ARFGEF3: variants seen among roughly 807,000 people sequenced by gnomAD.
ARFGEF3 encodes the protein brefeldin A-inhibited guanine nucleotide-exchange protein 3.
A neutral mutation model predicts 221.7 loss-of-function variants in ARFGEF3; 96 were observed. The ratio of observed to expected loss-of-function variants is 0.43; its 90% CI spans 0.37 to 0.51. The LOEUF is 0.51. ARFGEF3 is among the 20% of genes least tolerant of loss of function. The pLI is 0.00. For synonymous variants in ARFGEF3, 1,145 were observed against 1,126.8 expected (o/e 1.02, Z -0.32); for missense variants, 2,410 against 2,789.9 (o/e 0.86, Z 3.07).
chr6:138,335,437 T>C (rs1415268676), intron 33 of ARFGEF3, among the ~76,000 whole-genome samples: 1 of 151,944 alleles, frequency 6.6e-6, no homozygotes, highest in Non-Finnish European at 1.5e-5. Flanking sequence ...CATAGTAATG[T>C]ATATTATTGA....
At chr6:138,306,656 T>C (rs575937235) in intron 22 of ARFGEF3, among the ~76,000 whole-genome samples, 19 of 152,278 alleles carry the variant, frequency 1.2e-4, no homozygotes, top group South Asian at 4.1e-4. Flanking sequence ...TTATAATCAA[T>C]TGATTTTTGA....
rs1312290226 is a variant in ARFGEF3, at chr6:138,278,507, A to T, written c.2185A>T (p.Met729Leu). The T allele has an allele frequency of 6.2e-7, 1 of 1,613,922 alleles. No individual in the cohort carries two copies. The highest frequency in any genetic ancestry group is 1.7e-5 in the Admixed American group (1 of 60,010). The change falls in exon 13 of 34, where the codon ATG becomes TTG. Residue 729 changes from methionine (M) to leucine (L), a missense_variant. Physicochemically the swap from Met to Leu is conservative, Grantham distance 15 (BLOSUM62 2). This residue lies in a region of ARFGEF3 where 594 missense variants were observed against 734.3 expected (regional missense o/e 0.81). Coordinates refer to ENST00000251691, the MANE Select transcript of ARFGEF3 (RefSeq NM_020340.5). ...GNSSLSFQMLMNADSLYTAAH... is the reference protein window; with the variant it reads ...GNSSLSFQMLLNADSLYTAAH... ...TAGCAGCCTCAGCTTCCAGATGCTG[A>T]TGAACGCAGACAGCCTCTACACAGC...
chr6:138,193,787 G>A (rs1039441449), intron 2 of ARFGEF3, among the ~76,000 whole-genome samples: 1 of 152,138 alleles, frequency 6.6e-6, no homozygotes, highest in African/African-American at 2.4e-5. Flanking sequence ...TACATTATTT[G>A]TGAGCTTTAA....
At chr6:138,258,675 G>T (rs1393085788) in intron 10 of ARFGEF3, among the ~76,000 whole-genome samples, 2 of 152,318 alleles carry the variant, frequency 1.3e-5, no homozygotes, top group African/African-American at 4.8e-5. Flanking sequence ...TATATAGATT[G>T]CTTCTGTATG....
At chr6:138,229,921 G>GCTTAGTTCCACCCCAA in intron 5 of ARFGEF3, 69 bp downstream of exon 5, 1 of 1,291,066 alleles carries the variant, frequency 7.7e-7, no homozygotes, top group Non-Finnish European at 1.1e-6. Context: ...AAATATTGGG[G>GCTTAGTTCCACCCCAA]TGGAACTAAG....
rs181226100 is a variant in ARFGEF3 at position 138,338,262 on chromosome 6, A to G, written c.*1776A>G. 1 of 152,346 alleles carries G rather than the reference A, an allele frequency of 6.6e-6. No homozygotes were observed. The highest frequency in any genetic ancestry group is 1.5e-5 in the Non-Finnish European group (1 of 68,024). 9.4% of individuals were successfully genotyped at this position (152,346 alleles called of 1,614,324 possible). On this transcript the variant is annotated 3_prime_UTR_variant, in exon 34 of 34. Coordinates refer to ENST00000251691, the MANE Select transcript of ARFGEF3 (RefSeq NM_020340.5). ...ATGTTGTATACTTTTGAATTTTTAC[A>G]TTTTATAAATGGAATTGAAAGTTGG...
chr6:138,337,291 G>A lies in ARFGEF3; in HGVS notation c.*805G>A, dbSNP rs1301261501. On this transcript the variant is annotated 3_prime_UTR_variant, in exon 34 of 34. Coordinates refer to ENST00000251691, the MANE Select transcript of ARFGEF3 (RefSeq NM_020340.5). ...CAGCCACCCTGGCTGTTCTTGTGGT[G>A]TTTGTTTCCATCCCCAAGGCAAACA... 2 of 152,676 alleles carry A rather than the reference G, an allele frequency of 1.3e-5. No individual in the cohort carries two copies. Among genetic ancestry groups the A allele is most frequent in the Non-Finnish European group, 2.9e-5 (2 of 68,038 alleles). The allele number at this position is 152,676 out of a possible 1,614,324, so 9.5% of individuals were successfully genotyped here.
chr6:138,325,912 G>A (rs893155075), intron 31 of ARFGEF3, among the ~76,000 whole-genome samples: 1 of 152,190 alleles, frequency 6.6e-6, no homozygotes, highest in East Asian at 1.9e-4. Flanking sequence ...AGGCTGGAGT[G>A]CAGGGTGTGA....
chr6:138,327,665 CAA>C (rs1439125408), intron 31 of ARFGEF3, among the ~76,000 whole-genome samples: 4 of 152,088 alleles, frequency 2.6e-5, no homozygotes, highest in African/African-American at 9.6e-5. Context: ...AATATGATAC[CAA>C]AGACTCAAAA....
intron 10 of ARFGEF3, 144 bp from the exon 11 acceptor site, chr6:138,261,383 T>C (rs1182538063): frequency 2.0e-6 from 1 of 506,164 alleles, no homozygotes; most frequent in Non-Finnish European, 3.5e-6. Flanking sequence ...TTTACTAAGA[T>C]TGGAAGTTCC....
chr6:138,176,181 A>ATTTT (rs3044799), intron 2 of ARFGEF3, among the ~76,000 whole-genome samples: 4 of 136,950 alleles, frequency 2.9e-5, no homozygotes, highest in South Asian at 2.3e-4. Context: ...TGGTAGTTGG[A>ATTTT]TTTTTTTTTT....
intron 2 of ARFGEF3, among the ~76,000 whole-genome samples, chr6:138,204,254 C>T (rs1777588983): frequency 7.0e-6 from 1 of 143,538 alleles, no homozygotes; most frequent in South Asian, 2.3e-4. Context: ...AGGAGAGTTG[C>T]TTGAACCTGG....
intron 22 of ARFGEF3, among the ~76,000 whole-genome samples, chr6:138,299,073 C>T (rs1383783326): frequency 6.6e-6 from 1 of 151,866 alleles, no homozygotes; most frequent in Non-Finnish European, 1.5e-5. Flanking sequence ...TGTTGCACGC[C>T]TGTAACCCCA....
At chr6:138,213,832 G>T (rs927238790) in intron 4 of ARFGEF3, among the ~76,000 whole-genome samples, 7 of 152,076 alleles carry the variant, frequency 4.6e-5, no homozygotes, top group African/African-American at 1.7e-4. Context: ...AAACATTTTG[G>T]CCAAGCTGCT....
chr6:138,310,946 T>A (rs551909558), intron 24 of ARFGEF3, among the ~76,000 whole-genome samples: 3 of 152,338 alleles, frequency 2.0e-5, no homozygotes, highest in African/African-American at 7.2e-5. Context: ...CTTTTCCAAA[T>A]GGAGAGAGAG....
intron 2 of ARFGEF3, among the ~76,000 whole-genome samples, chr6:138,178,676 T>C (rs1386497538): frequency 6.6e-6 from 1 of 152,096 alleles, no homozygotes; most frequent in Non-Finnish European, 1.5e-5. Context: ...TTATAAATGT[T>C]TGTGGGATGA....
chr6:138,256,462 C>T (rs556309410), intron 10 of ARFGEF3, among the ~76,000 whole-genome samples: 1 of 151,994 alleles, frequency 6.6e-6, no homozygotes, highest in Non-Finnish European at 1.5e-5. Context: ...TCAACCCCCA[C>T]CCCTCCAAAA....
At chr6:138,272,198 C>T (rs1338724109) in intron 12 of ARFGEF3, among the ~76,000 whole-genome samples, 1 of 148,958 alleles carries the variant, frequency 6.7e-6, no homozygotes, top group Non-Finnish European at 1.5e-5. Flanking sequence ...CTCTGTCACC[C>T]AGGCTGGAGT....
At chr6:138,288,237 A>T (rs1779331560) in intron 17 of ARFGEF3, among the ~76,000 whole-genome samples, 1 of 152,144 alleles carries the variant, frequency 6.6e-6, no homozygotes, top group Non-Finnish European at 1.5e-5. Context: ...TACAGAAATT[A>T]GCCAGGCATG....
Sources: gnomAD v4.1 joint callset for allele counts (sites outside exome capture counted in the v4.1 genomes callset) on GRCh38, gnomAD v4.1.1 for gene constraint, gnomAD v4.1.1 regional missense constraint, MANE v1.5 for transcripts, NCBI Gene and HGNC (gene_info 2026-07-23, HGNC 2026-07-21) for gene names.